The following CECR2 variants were observed in gnomAD, a reference collection of about 807,000 sequenced individuals.
The protein encoded by CECR2 is chromatin remodeling regulator CECR2.
In CECR2, 30 loss-of-function variants were observed where a neutral mutation model predicts 154.5. That is an observed-to-expected ratio of 0.19 (90% CI 0.15 to 0.26). CECR2 has a LOEUF of 0.26. CECR2 is among the 10% of genes least tolerant of loss of function. The probability of loss-of-function intolerance (pLI) is 1.00; values close to 1 mark genes in which losing one functional copy is unlikely to be tolerated. For synonymous variants in CECR2, 725 were observed against 683.7 expected (o/e 1.06, Z -0.94); for missense variants, 1,743 against 1,829.3 (o/e 0.95, Z 0.86).
chr22:17,464,731 A>G (rs1484543007), intron 1 of CECR2, among the ~76,000 whole-genome samples: 1 of 151,902 alleles, frequency 6.6e-6, no homozygotes, highest in Non-Finnish European at 1.5e-5. Flanking sequence ...AAACTCCTCG[A>G]CTCAAGCAGT....
At chr22:17,423,896 A>G (rs1281290004) in intron 1 of CECR2, among the ~76,000 whole-genome samples, 1 of 152,148 alleles carries the variant, frequency 6.6e-6, no homozygotes, top group African/African-American at 2.4e-5. Flanking sequence ...CGGACTTCCA[A>G]ACTCCTCACA....
In CECR2 at chr22:17,407,394, G is replaced by A. The variant is rs1601302944; in HGVS notation, c.126+37485G>A. ...GTGGATCACCTGAGGTCAGGAGTTC[G>A]AGACCACCCTGGCCAACATAGTGAA... is the stretch of plus-strand genomic sequence containing the variant. On this transcript the variant is annotated intron_variant, in intron 1 of 18. Coordinates refer to ENST00000262608, the MANE Select transcript of CECR2 (RefSeq NM_001290047.2). 2.0e-5 allele frequency among the ~76,000 whole-genome samples: 3 copies of A among 152,106 alleles called. No homozygotes were observed. In the South Asian group the frequency reaches 6.2e-4, roughly 32 times the overall value.
intron 1 of CECR2, among the ~76,000 whole-genome samples, chr22:17,408,364 C>A (rs1466502063): frequency 6.6e-6 from 1 of 152,138 alleles, no homozygotes; most frequent in East Asian, 1.9e-4. Flanking sequence ...CTTCCTCTTG[C>A]TAGCTGTGTG....
intron 1 of CECR2, among the ~76,000 whole-genome samples, chr22:17,427,981 A>G (rs1422227878): frequency 2.0e-5 from 3 of 152,202 alleles, no homozygotes; most frequent in Non-Finnish European, 4.4e-5. Flanking sequence ...CATCCTCTCC[A>G]GCAGTTGTTG....
intron 14 of CECR2, among the ~76,000 whole-genome samples, 167 bp from the exon 15 acceptor site, chr22:17,541,672 G>A (rs1005991805): frequency 1.3e-5 from 2 of 152,194 alleles, no homozygotes; most frequent in African/African-American, 4.8e-5. Context: ...TCATAGGCAA[G>A]CCCTGATGCG....
In CECR2 at chr22:17,413,924, A is replaced by G. The variant is rs147952864; in HGVS notation, c.126+44015A>G. Among the ~76,000 whole-genome samples the G allele has an allele frequency of 2.9e-3, 427 of 145,642 alleles. 4 individuals carry two copies. The highest frequency in any genetic ancestry group is 7.8e-3 in the Middle Eastern group (2 of 258). On this transcript the variant is annotated intron_variant, in intron 1 of 18. Transcript: ENST00000262608. ...GATCACCTGACCTTGTGATCCGCCCACCTCGGCCTCCCAAAGTGCTGGGAT... is the reference window on the plus strand; with the variant it reads ...GATCACCTGACCTTGTGATCCGCCCGCCTCGGCCTCCCAAAGTGCTGGGAT...
chr22:17,396,392 A>C (rs2053811867), intron 1 of CECR2, among the ~76,000 whole-genome samples: 1 of 152,200 alleles, frequency 6.6e-6, no homozygotes, highest in Non-Finnish European at 1.5e-5. Flanking sequence ...TACGAAATAC[A>C]AAAATTAGCT....
At chr22:17,404,103 A>C (rs1057481933) in intron 1 of CECR2, among the ~76,000 whole-genome samples, 23 of 151,710 alleles carry the variant, frequency 1.5e-4, no homozygotes, top group African/African-American at 3.9e-4. Flanking sequence ...GCTAAAAATA[A>C]CAAAAATTAG....
chr22:17,474,896 C>T (rs1222407230), intron 1 of CECR2, among the ~76,000 whole-genome samples: 1 of 152,128 alleles, frequency 6.6e-6, no homozygotes, highest in African/African-American at 2.4e-5. Context: ...GAACTCCTGG[C>T]TTTAAGCAAT....
At chr22:17,469,505 A>AG (rs1218747248) in intron 1 of CECR2, among the ~76,000 whole-genome samples, 1 of 152,024 alleles carries the variant, frequency 6.6e-6, no homozygotes, top group Non-Finnish European at 1.5e-5. Flanking sequence ...CTCCCCAAGC[A>AG]GGGGGGATGA....
intron 1 of CECR2, among the ~76,000 whole-genome samples, chr22:17,371,755 T>C (rs149510764): frequency 1.3e-5 from 2 of 152,200 alleles, no homozygotes; most frequent in African/African-American, 2.4e-5. Context: ...GTTCAGAGTT[T>C]AAAGACCCAT....
intron 8 of CECR2, among the ~76,000 whole-genome samples, chr22:17,523,351 C>G (rs2056191744): frequency 6.6e-6 from 1 of 151,600 alleles, no homozygotes; most frequent in Non-Finnish European, 1.5e-5. Flanking sequence ...CCATTGCACT[C>G]CAGTCTCACA....
intron 1 of CECR2, among the ~76,000 whole-genome samples, chr22:17,453,300 G>T (rs768617292): frequency 2.0e-5 from 3 of 152,074 alleles, no homozygotes; most frequent in Non-Finnish European, 4.4e-5. Flanking sequence ...AAATTAACTG[G>T]ACACGGTGGC....
At chr22:17,466,813 C>T (rs1473856877) in intron 1 of CECR2, among the ~76,000 whole-genome samples, 1 of 152,066 alleles carries the variant, frequency 6.6e-6, no homozygotes, top group Non-Finnish European at 1.5e-5. Flanking sequence ...AGGCTGGTCT[C>T]GAACTCCTGA....
At chr22:17,536,029 A>C (rs537908348) in intron 9 of CECR2, among the ~76,000 whole-genome samples, 5 of 152,196 alleles carry the variant, frequency 3.3e-5, no homozygotes, top group Admixed American at 6.5e-5. Context: ...TGGGCAGTTC[A>C]CCTGAGGTCA....
At chr22:17,401,861 A>G (rs1415981617) in intron 1 of CECR2, among the ~76,000 whole-genome samples, 1 of 135,626 alleles carries the variant, frequency 7.4e-6, no homozygotes, top group African/African-American at 2.8e-5. Context: ...TTTTTTTAAC[A>G]GATGGGGTCT....
At chr22:17,460,994 G>T (rs28719031) in intron 1 of CECR2, among the ~76,000 whole-genome samples, 1 of 152,162 alleles carries the variant, frequency 6.6e-6, no homozygotes, top group Non-Finnish European at 1.5e-5. Context: ...CTGGAGACCT[G>T]TTTGGGGGTG....
intron 18 of CECR2, 128 bp downstream of exon 18, chr22:17,552,270 G>C: frequency 1.3e-6 from 1 of 772,132 alleles, no homozygotes; most frequent in Non-Finnish European, 2.1e-6. Flanking sequence ...TGCCTGTATC[G>C]TGCTTCCTTG....
chr22:17,544,517 AG>A (rs887015503), intron 16 of CECR2, among the ~76,000 whole-genome samples: 3 of 145,530 alleles, frequency 2.1e-5, no homozygotes, highest in African/African-American at 7.7e-5. Flanking sequence ...AAAAAAAAAA[AG>A]TTAAAAAATT....
Sources: gnomAD v4.1 joint callset for allele counts (sites outside exome capture counted in the v4.1 genomes callset) on GRCh38, gnomAD v4.1.1 for gene constraint, MANE v1.5 for transcripts, NCBI Gene and HGNC (gene_info 2026-07-23, HGNC 2026-07-21) for gene names.